The following ANKRD6 variants were observed in gnomAD, a reference collection of about 807,000 sequenced individuals.
The protein encoded by ANKRD6 is ankyrin repeat domain-containing protein 6.
Under a neutral mutation model 82.3 loss-of-function variants are expected in ANKRD6, and 56 were observed. The observed-to-expected ratio is 0.68, with a 90% CI of 0.55 to 0.85. The LOEUF (loss-of-function observed/expected upper bound fraction) is 0.85. Ranked by LOEUF, ANKRD6 falls within the 40% of genes least tolerant of loss-of-function variation. ANKRD6 has a pLI of 0.00. For missense variants in ANKRD6, 852 were observed against 907.6 expected, an observed-to-expected ratio of 0.94 and a Z score of 0.79; for synonymous variants, 347 against 352.1, an observed-to-expected ratio of 0.99 and a Z score of 0.16.
intron 1 of ANKRD6, among the ~76,000 whole-genome samples, chr6:89,533,700 A>G (rs528932847): frequency 3.4e-5 from 5 of 147,280 alleles, no homozygotes; most frequent in Non-Finnish European, 6.0e-5. Flanking sequence ...GCCATCACGA[A>G]TGAGAGAGAG....
intron 1 of ANKRD6, among the ~76,000 whole-genome samples, chr6:89,498,976 C>T (rs1277499923): frequency 6.6e-6 from 1 of 152,200 alleles, no homozygotes. Flanking sequence ...CCTTCCTCTA[C>T]TGTTGAGACT....
At chr6:89,559,204 G>A (rs138433159) in intron 1 of ANKRD6, among the ~76,000 whole-genome samples, 9 of 152,242 alleles carry the variant, frequency 5.9e-5, no homozygotes, top group African/African-American at 1.9e-4. Flanking sequence ...GGTCTTTGCC[G>A]TGTTACAAGC....
At position 89,606,006 on chromosome 6, in the gene ANKRD6, G is replaced by A. The variant is rs1278853839; in HGVS notation, c.319-1G>A. On this transcript the variant is annotated splice_acceptor_variant, in intron 4 of 15. Coordinates refer to ENST00000339746, the MANE Select transcript of ANKRD6 (RefSeq NM_001242809.2). LOFTEE classifies it high-confidence loss of function. ...CTTTCCCACCTGTGTGTCTTCCTTA[G>A]GATGGGAATACAGCCTTGCATGAAG... is the stretch of plus-strand genomic sequence containing the variant. The A allele has an allele frequency of 6.3e-7, 1 of 1,578,634 alleles. No individual in the cohort carries two copies. Among genetic ancestry groups the A allele is most frequent in the Non-Finnish European group, 8.6e-7 (1 of 1,158,022 alleles).
intron 1 of ANKRD6, among the ~76,000 whole-genome samples, chr6:89,500,498 A>G (rs1382479771): frequency 2.0e-5 from 3 of 152,208 alleles, no homozygotes; most frequent in Admixed American, 6.5e-5. Flanking sequence ...CATATGATAT[A>G]TTTTTTAATA....
chr6:89,601,221 GTC>G (rs1231870677), intron 3 of ANKRD6, among the ~76,000 whole-genome samples: 1 of 152,134 alleles, frequency 6.6e-6, no homozygotes, highest in Non-Finnish European at 1.5e-5. Context: ...TGAATAAGGG[GTC>G]TGGGAAGGTG....
intron 1 of ANKRD6, among the ~76,000 whole-genome samples, chr6:89,452,585 G>A (rs1167506520): frequency 1.3e-5 from 2 of 152,276 alleles, no homozygotes; most frequent in African/African-American, 4.8e-5. Context: ...TGTCTGCAAA[G>A]CCTGAACCCT....
At chr6:89,582,021 G>A (rs1307030348) in intron 2 of ANKRD6, among the ~76,000 whole-genome samples, 1 of 152,174 alleles carries the variant, frequency 6.6e-6, no homozygotes, top group Admixed American at 6.5e-5. Flanking sequence ...AATCTCAACT[G>A]GGAAAGCTTA....
intron 13 of ANKRD6, among the ~76,000 whole-genome samples, chr6:89,625,757 T>TA (rs1359319093): frequency 5.3e-5 from 8 of 150,460 alleles, no homozygotes; most frequent in African/African-American, 1.7e-4. Context: ...TTTTTTTTTT[T>TA]AGATGGGGTC....
intron 3 of ANKRD6, chr6:89,598,477 C>A: frequency 1.0e-6 from 1 of 959,208 alleles, no homozygotes; most frequent in Non-Finnish European, 1.2e-6. Context: ...AGCTTCCTTG[C>A]AGTATGTCTG....
chr6:89,594,457 G>GA lies in ANKRD6; in HGVS notation c.121-1448dup, dbSNP rs56046304. Among the ~76,000 whole-genome samples, 99 of 148,780 alleles carry GA rather than the reference G, an allele frequency of 6.7e-4. 2 individuals carry two copies. Among genetic ancestry groups the GA allele is most frequent in the South Asian group, 5.1e-3 (24 of 4,694 alleles). On this transcript the variant is annotated intron_variant, in intron 2 of 15. Transcript: ENST00000339746. ...CAGCAGAGTGAGACCCTGTCTCAAAGAAAAAAAAAAACAAAGGTTTGAAAC... is the reference window on the plus strand; with the variant it reads ...CAGCAGAGTGAGACCCTGTCTCAAAGAAAAAAAAAAAACAAAGGTTTGAAAC...
In ANKRD6 at chr6:89,613,838, C is replaced by A. The variant is rs1800831423; in HGVS notation, c.563C>A (p.Ser188Tyr). 1.9e-6 allele frequency: 3 copies of A among 1,613,928 alleles called. No individual in the cohort carries two copies. ...LHVAARYNHL[S>Y]IIRLLLTAFC... Reference sequence around the variant, plus strand: ...GTTGCTGCGCGCTATAATCACTTGTCCATCATTAGGCTCCTCCTCACTGCT... The same window carrying A: ...GTTGCTGCGCGCTATAATCACTTGTACATCATTAGGCTCCTCCTCACTGCT... The change falls in exon 7 of 16, where the codon TCC becomes TAC. Residue 188 changes from serine (S) to tyrosine (Y), a missense_variant. Ser to Tyr is a moderately radical substitution (Grantham distance 144). Coordinates refer to ENST00000339746, the MANE Select transcript of ANKRD6 (RefSeq NM_001242809.2).
intron 3 of ANKRD6, among the ~76,000 whole-genome samples, chr6:89,601,304 T>C (rs1425314055): frequency 1.3e-5 from 2 of 149,412 alleles, no homozygotes. Flanking sequence ...AGGGGGGAGG[T>C]CGGTGGTGGC....
chr6:89,480,599 C>T lies in ANKRD6; in HGVS notation c.-144+47224C>T, dbSNP rs796604881. Reference sequence around the variant, plus strand: ...TTTTGTATATTTTTAAAAAAGATATCCTCCTCACTAATTACTTTTTAAAAA... The same window carrying T: ...TTTTGTATATTTTTAAAAAAGATATTCTCCTCACTAATTACTTTTTAAAAA... On this transcript the variant is annotated intron_variant, in intron 1 of 15. Coordinates refer to ENST00000339746, the MANE Select transcript of ANKRD6 (RefSeq NM_001242809.2). 1.7e-4 allele frequency among the ~76,000 whole-genome samples: 26 copies of T among 149,266 alleles called. No homozygotes were observed. The South Asian group carries it at 2.7e-3, about 16-fold the overall frequency.
At chr6:89,579,550 C>T (rs138907352) in intron 2 of ANKRD6, among the ~76,000 whole-genome samples, 1 of 151,998 alleles carries the variant, frequency 6.6e-6, no homozygotes, top group Admixed American at 6.6e-5. Context: ...GCTGGTGGAT[C>T]TCTTGAGGCC....
At chr6:89,495,305 A>G (rs907526206) in intron 1 of ANKRD6, among the ~76,000 whole-genome samples, 1 of 150,974 alleles carries the variant, frequency 6.6e-6, no homozygotes, top group Non-Finnish European at 1.5e-5. Context: ...TTTGGCATGA[A>G]CCCCATGACT....
At chr6:89,569,958 AATGAAT>A (rs1358278159) in intron 2 of ANKRD6, among the ~76,000 whole-genome samples, 1 of 152,166 alleles carries the variant, frequency 6.6e-6, no homozygotes, top group Non-Finnish European at 1.5e-5. Flanking sequence ...CCATATTTCC[AATGAAT>A]ATGTATGTTC....
rs534445479 is a variant in ANKRD6 at position 89,594,049 on chromosome 6, C to A, written c.121-1867C>A. Among the ~76,000 whole-genome samples, 5 of 152,260 alleles carry A rather than the reference C, an allele frequency of 3.3e-5. No individual in the cohort carries two copies. In the East Asian group the frequency reaches 9.7e-4, roughly 29 times the overall value. ...TCCTGGCATTAGCCTGGGTGCCCAT[C>A]AGGAGGAGGATGAGTAAATAATAAG... On this transcript the variant is annotated intron_variant, in intron 2 of 15. Coordinates refer to ENST00000339746, the MANE Select transcript of ANKRD6 (RefSeq NM_001242809.2).
intron 1 of ANKRD6, among the ~76,000 whole-genome samples, chr6:89,498,925 T>C (rs549188523): frequency 1.6e-4 from 24 of 152,170 alleles, no homozygotes; most frequent in Non-Finnish European, 2.9e-4. Context: ...ATGCTTGAGG[T>C]TGGCTTTCTC....
At chr6:89,607,333 TA>T (rs201420836) in intron 5 of ANKRD6, among the ~76,000 whole-genome samples, 1 of 2,782 alleles carries the variant, frequency 3.6e-4, no homozygotes, top group Non-Finnish European at 7.4e-3. Context: ...GCAGTAGTTA[TA>T]TTTTTTTAAC....
Sources: gnomAD v4.1 joint callset for allele counts (sites outside exome capture counted in the v4.1 genomes callset) on GRCh38, gnomAD v4.1.1 for gene constraint, MANE v1.5 for transcripts, NCBI Gene and HGNC (gene_info 2026-07-23, HGNC 2026-07-21) for gene names.